MARCHF4: variants seen among roughly 807,000 people sequenced by gnomAD.
MARCHF4 encodes the protein membrane associated ring-CH-type finger 4.
Under a neutral mutation model 43.9 loss-of-function variants are expected in MARCHF4, and 14 were observed. That is an observed-to-expected ratio of 0.32 (90% CI 0.21 to 0.50). The LOEUF (loss-of-function observed/expected upper bound fraction) is 0.50, where lower values mean the gene tolerates loss of function less well. Ranked by LOEUF, MARCHF4 falls within the 20% of genes least tolerant of loss-of-function variation. The pLI is 0.98. For synonymous variants in MARCHF4, 226 were observed against 213.3 expected, an observed-to-expected ratio of 1.06 and a Z score of -0.52; for missense variants, 468 against 536.7, an observed-to-expected ratio of 0.87 and a Z score of 1.27.
At chr2:216,303,130 C>A (rs1405312429) in intron 1 of MARCHF4, among the ~76,000 whole-genome samples, 1 of 152,118 alleles carries the variant, frequency 6.6e-6, no homozygotes, top group African/African-American at 2.4e-5. Flanking sequence ...AATATGTGAA[C>A]AATGCACAGT....
intron 1 of MARCHF4, among the ~76,000 whole-genome samples, chr2:216,293,944 C>G (rs1691352692): frequency 1.1e-5 from 1 of 87,656 alleles, no homozygotes; most frequent in East Asian, 3.1e-4. Context: ...GTGTAATATA[C>G]TGTCCGTTTG....
chr2:216,264,510 C>T (rs929496781), intron 3 of MARCHF4, among the ~76,000 whole-genome samples: 1 of 152,212 alleles, frequency 6.6e-6, no homozygotes, highest in African/African-American at 2.4e-5. Flanking sequence ...TCCCACAAAC[C>T]TTGTTTGAAC....
At chr2:216,275,200 G>C (rs972640779) in intron 3 of MARCHF4, among the ~76,000 whole-genome samples, 23 of 152,258 alleles carry the variant, frequency 1.5e-4, no homozygotes, top group African/African-American at 5.5e-4. Flanking sequence ...GAATTAGAGA[G>C]ATAGAAGTGT....
intron 1 of MARCHF4, among the ~76,000 whole-genome samples, chr2:216,310,450 G>A (rs1345470354): frequency 6.6e-6 from 1 of 151,970 alleles, no homozygotes; most frequent in Non-Finnish European, 1.5e-5. Flanking sequence ...TATTTATATA[G>A]ACATTCTCCT....
chr2:216,282,641 G>T (rs1691148036), intron 2 of MARCHF4, among the ~76,000 whole-genome samples: 1 of 152,188 alleles, frequency 6.6e-6, no homozygotes, highest in Non-Finnish European at 1.5e-5. Context: ...GCTCCTCAAA[G>T]GAGAGCTGCT....
intron 1 of MARCHF4, among the ~76,000 whole-genome samples, chr2:216,311,889 G>A (rs1261255984): frequency 1.3e-5 from 2 of 152,134 alleles, no homozygotes; most frequent in African/African-American, 2.4e-5. Flanking sequence ...CAGTGTATTA[G>A]GAGCAAATGG....
At chr2:216,279,758 C>T (rs1691096317) in intron 2 of MARCHF4, among the ~76,000 whole-genome samples, 1 of 152,186 alleles carries the variant, frequency 6.6e-6, no homozygotes, top group Non-Finnish European at 1.5e-5. Flanking sequence ...GGTAATTGGG[C>T]CTTTACATTT....
At position 216,370,654 on chromosome 2, in the gene MARCHF4, T is replaced by TC. The variant is rs1692745204; in HGVS notation, c.-395dup. The TC allele has an allele frequency of 5.9e-6, 1 of 168,640 alleles. No homozygotes were observed. The highest frequency in any genetic ancestry group is 2.0e-4 in the South Asian group (1 of 5,022). 10.4% of individuals were successfully genotyped at this position (168,640 alleles called of 1,614,324 possible). A position where few individuals can be genotyped will look rare whatever the true frequency, so the allele number is the denominator to read the frequency against. On this transcript the variant is annotated 5_prime_UTR_variant, in exon 1 of 4. Coordinates refer to ENST00000273067, the MANE Select transcript of MARCHF4 (RefSeq NM_020814.3). ...AATCAATGTCGAATTGTTTAAAAGT[T>TC]CCCCAGGAAAGGATTATTGGGTTCT...
chr2:216,306,903 T>C (rs1691595773), intron 1 of MARCHF4, among the ~76,000 whole-genome samples: 1 of 152,116 alleles, frequency 6.6e-6, no homozygotes, highest in Non-Finnish European at 1.5e-5. Flanking sequence ...AAGTATACTG[T>C]GTTCACTGGC....
chr2:216,286,652 C>T (rs913917963), intron 1 of MARCHF4, among the ~76,000 whole-genome samples: 3 of 152,106 alleles, frequency 2.0e-5, no homozygotes, highest in African/African-American at 4.8e-5. Context: ...TCCAGAGAAA[C>T]GAGCTATTTT....
chr2:216,366,395 C>G (rs1574489658), intron 1 of MARCHF4, among the ~76,000 whole-genome samples: 2 of 152,116 alleles, frequency 1.3e-5, no homozygotes, highest in East Asian at 3.9e-4. Context: ...GTCTCATGGG[C>G]CCTGACCCCT....
At chr2:216,360,034 G>A (rs1481989477) in intron 1 of MARCHF4, among the ~76,000 whole-genome samples, 4 of 151,872 alleles carry the variant, frequency 2.6e-5, no homozygotes, top group African/African-American at 7.3e-5. Context: ...ACTAATACAC[G>A]GTATTCCTGA....
At chr2:216,355,556 T>C (rs992431610) in intron 1 of MARCHF4, among the ~76,000 whole-genome samples, 2 of 152,238 alleles carry the variant, frequency 1.3e-5, no homozygotes, top group Admixed American at 6.5e-5. Context: ...CACTTCCCAA[T>C]AAGTGGATTT....
At chr2:216,325,617 G>C (rs1254567240) in intron 1 of MARCHF4, among the ~76,000 whole-genome samples, 2 of 152,136 alleles carry the variant, frequency 1.3e-5, no homozygotes, top group Non-Finnish European at 2.9e-5. Context: ...TATAGATATA[G>C]ATCAATGGAA....
At chr2:216,314,607 G>A (rs567404584) in intron 1 of MARCHF4, among the ~76,000 whole-genome samples, 2 of 152,276 alleles carry the variant, frequency 1.3e-5, no homozygotes, top group African/African-American at 4.8e-5. Flanking sequence ...ACAGGCAAGA[G>A]CCACCGTGCT....
chr2:216,310,445 A>C (rs1029836958), intron 1 of MARCHF4, among the ~76,000 whole-genome samples: 1 of 152,002 alleles, frequency 6.6e-6, no homozygotes, highest in Non-Finnish European at 1.5e-5. Flanking sequence ...TAAATTATTT[A>C]TATAGACATT....
At position 216,259,378 on chromosome 2, in the gene MARCHF4, T is replaced by C. The variant is rs1462559096; in HGVS notation, c.1167A>G (p.Arg389=). Residue 389 remains arginine, a synonymous_variant, in exon 4 of 4, where the codon AGA becomes AGG. Coordinates refer to ENST00000273067, the MANE Select transcript of MARCHF4 (RefSeq NM_020814.3). ...YTILHILSHL[R]PHEQRSPPGS... ...CTGGGGGACTTCGCTGTTCATGAGG[T>C]CTCAAGTGACTCAGGATGTGCAGGA... The C allele has an allele frequency of 6.2e-7, 1 of 1,605,168 alleles. No individual in the cohort carries two copies. Among genetic ancestry groups the C allele is most frequent in the Non-Finnish European group, 8.5e-7 (1 of 1,173,834 alleles).
chr2:216,293,307 A>G (rs1003543877), intron 1 of MARCHF4, among the ~76,000 whole-genome samples: 7 of 152,148 alleles, frequency 4.6e-5, no homozygotes, highest in African/African-American at 7.2e-5. Context: ...GGAGACTAAC[A>G]GTGTGTTGAC....
At chr2:216,262,758 T>A (rs904702760) in intron 3 of MARCHF4, among the ~76,000 whole-genome samples, 3 of 152,164 alleles carry the variant, frequency 2.0e-5, no homozygotes, top group Non-Finnish European at 4.4e-5. Context: ...CCCCTTTTTA[T>A]AACAAATATA....
Sources: gnomAD v4.1 joint callset for allele counts (sites outside exome capture counted in the v4.1 genomes callset) on GRCh38, gnomAD v4.1.1 for gene constraint, MANE v1.5 for transcripts, NCBI Gene and HGNC (gene_info 2026-07-23, HGNC 2026-07-21) for gene names.